Variants in ADAM10 observed in about 807,000 individuals in gnomAD.
ADAM10 encodes ADAM metallopeptidase domain 10, also known as disintegrin and metalloproteinase domain-containing protein 10.
Under a neutral mutation model 90.1 loss-of-function variants are expected in ADAM10, and 17 were observed. That is an observed-to-expected ratio of 0.19 (90% CI 0.13 to 0.28). The LOEUF (loss-of-function observed/expected upper bound fraction) is 0.28, where lower values mean the gene tolerates loss of function less well. ADAM10 is among the 10% of genes least tolerant of loss of function. ADAM10 has a pLI of 1.00. For missense variants in ADAM10, 610 were observed against 914.3 expected, an observed-to-expected ratio of 0.67 and a Z score of 4.29; for synonymous variants, 310 against 298.6, an observed-to-expected ratio of 1.04 and a Z score of -0.40.
chr15:58,640,107 C>A (rs945916874), intron 8 of ADAM10, among the ~76,000 whole-genome samples: 1 of 152,268 alleles, frequency 6.6e-6, no homozygotes, highest in South Asian at 2.1e-4. Context: ...CAACACTCCA[C>A]CCCCACTGTA....
intron 2 of ADAM10, among the ~76,000 whole-genome samples, chr15:58,708,909 A>G (rs570912971): frequency 6.6e-6 from 1 of 152,370 alleles, no homozygotes; most frequent in South Asian, 2.1e-4. Context: ...AATGACTTTA[A>G]GAAATTAAAC....
chr15:58,712,827 A>T (rs2140808568), intron 2 of ADAM10, among the ~76,000 whole-genome samples: 1 of 152,232 alleles, frequency 6.6e-6, no homozygotes, highest in East Asian at 1.9e-4. Flanking sequence ...CTCCGCCTCA[A>T]AAAAAAGAAC....
chr15:58,662,855 C>A (rs1897001902), intron 5 of ADAM10, among the ~76,000 whole-genome samples: 1 of 152,190 alleles, frequency 6.6e-6, no homozygotes, highest in Non-Finnish European at 1.5e-5. Context: ...AGTCCAGACA[C>A]CTCAGTCTTC....
intron 3 of ADAM10, 99 bp downstream of exon 3, chr15:58,682,097 T>C: frequency 6.5e-7 from 1 of 1,546,002 alleles, no homozygotes; most frequent in Non-Finnish European, 8.8e-7. Context: ...CCTCTGGATT[T>C]ATAACCTTTT....
intron 1 of ADAM10, among the ~76,000 whole-genome samples, chr15:58,740,363 C>A (rs1381854990): frequency 6.6e-6 from 1 of 151,272 alleles, no homozygotes. Flanking sequence ...GAGCCAAGAT[C>A]GCACCACTGC....
chr15:58,660,199 A>C (rs28434276), intron 5 of ADAM10, among the ~76,000 whole-genome samples: 1 of 149,656 alleles, frequency 6.7e-6, no homozygotes, highest in Non-Finnish European at 1.5e-5. Flanking sequence ...TTTTCTTTTT[A>C]TTTTTTTTTA....
intron 2 of ADAM10, among the ~76,000 whole-genome samples, chr15:58,685,434 G>A (rs1239561835): frequency 6.6e-6 from 1 of 150,832 alleles, no homozygotes; most frequent in Non-Finnish European, 1.5e-5. Flanking sequence ...CTGCACTGCA[G>A]CCTAGGTGAC....
Position 58,682,252 on chromosome 15 carries a change from GT to G in ADAM10, c.268del (p.Thr90HisfsTer93). On this transcript the variant is annotated frameshift_variant, in exon 3 of 16. Transcript: ENST00000260408. LOFTEE classifies it high-confidence loss of function. Reference protein sequence around the residue: ...SLFSDEFKVETSNKVLDYDTS... With the variant: ...SLFSDEFKVEXSNKVLDYDTS... The stretch of plus-strand genomic sequence containing the variant: ...ATCATAATCAAGTACTTTATTTGAT[GT>G]TTCTACTTTAAATTCATCACTGAAA... 6.2e-7 allele frequency: 1 copy of G among 1,612,918 alleles called. No individual in the cohort carries two copies. Among genetic ancestry groups the G allele is most frequent in the Non-Finnish European group, 8.5e-7 (1 of 1,179,466 alleles).
At chr15:58,619,820 C>T (rs1273425877) in intron 11 of ADAM10, among the ~76,000 whole-genome samples, 4 of 151,798 alleles carry the variant, frequency 2.6e-5, no homozygotes, top group South Asian at 4.2e-4. Context: ...AAGAGAATGG[C>T]GTGAACCCGG....
chr15:58,702,870 G>GC (rs1898172211), intron 2 of ADAM10, among the ~76,000 whole-genome samples: 1 of 152,114 alleles, frequency 6.6e-6, no homozygotes, highest in Admixed American at 6.6e-5. Context: ...GTAGAAAGAA[G>GC]CCAGAACAAA....
At chr15:58,687,052 C>T (rs1170291202) in intron 2 of ADAM10, among the ~76,000 whole-genome samples, 2 of 152,040 alleles carry the variant, frequency 1.3e-5, no homozygotes, top group Non-Finnish European at 2.9e-5. Context: ...GATATTTATA[C>T]CATAAAAAAT....
At chr15:58,622,751 T>C (rs1454056737) in intron 10 of ADAM10, among the ~76,000 whole-genome samples, 1 of 152,244 alleles carries the variant, frequency 6.6e-6, no homozygotes, top group Admixed American at 6.5e-5. Flanking sequence ...CTAAAGTTCT[T>C]TGATTTTTGT....
chr15:58,598,567 G>T (rs1367492757), intron 15 of ADAM10, among the ~76,000 whole-genome samples: 1 of 152,212 alleles, frequency 6.6e-6, no homozygotes, highest in Non-Finnish European at 1.5e-5. Context: ...TTTGTATAAG[G>T]TAGTGGATTT....
chr15:58,658,855 G>C (rs555973238), intron 5 of ADAM10, among the ~76,000 whole-genome samples: 17 of 152,044 alleles, frequency 1.1e-4, no homozygotes, highest in Admixed American at 7.9e-4. Flanking sequence ...ATTGATTCTA[G>C]TAACTTTTTC....
intron 11 of ADAM10, among the ~76,000 whole-genome samples, chr15:58,616,780 C>T (rs1456403106): frequency 6.6e-6 from 1 of 151,996 alleles, no homozygotes; most frequent in Non-Finnish European, 1.5e-5. Context: ...TAATGAAGAT[C>T]AGAGCAGAAA....
intron 11 of ADAM10, among the ~76,000 whole-genome samples, chr15:58,612,784 C>A (rs1019072879): frequency 2.0e-5 from 3 of 152,224 alleles, no homozygotes; most frequent in Non-Finnish European, 4.4e-5. Flanking sequence ...AGTGTATAAT[C>A]CCAGCTACAG....
Position 58,662,461 on chromosome 15 carries a change from T to C in ADAM10, c.585+2636A>G, listed in dbSNP as rs928041412. Among the ~76,000 whole-genome samples, 3 of 152,062 alleles carry C rather than the reference T, an allele frequency of 2.0e-5. No individual in the cohort carries two copies. The East Asian group carries it at 5.8e-4, about 29-fold the overall frequency. Reference sequence around the variant, plus strand: ...AATCCTCTCGTCTCAGCCTCCAGAGTAGCTGAGACTACAGATGCTCATCAC... The same window carrying C: ...AATCCTCTCGTCTCAGCCTCCAGAGCAGCTGAGACTACAGATGCTCATCAC... On this transcript the variant is annotated intron_variant, in intron 5 of 15. Coordinates refer to ENST00000260408, the MANE Select transcript of ADAM10 (RefSeq NM_001110.4).
chr15:58,743,729 T>C (rs1479706216), intron 1 of ADAM10, among the ~76,000 whole-genome samples: 2 of 152,092 alleles, frequency 1.3e-5, no homozygotes, highest in African/African-American at 4.8e-5. Flanking sequence ...CTCAGCTTCC[T>C]GAGTAGCTGG....
intron 8 of ADAM10, among the ~76,000 whole-genome samples, chr15:58,639,932 G>A (rs1263930292): frequency 6.6e-6 from 1 of 151,762 alleles, no homozygotes; most frequent in Non-Finnish European, 1.5e-5. Flanking sequence ...ATCAGAAGGA[G>A]AATCTGTTGT....
Sources: allele counts gnomAD v4.1 joint callset (sites outside exome capture counted in the v4.1 genomes callset), GRCh38; gene constraint gnomAD v4.1.1; transcripts MANE v1.5; gene names NCBI Gene and HGNC (gene_info 2026-07-23, HGNC 2026-07-21).